The following NLGN1 variants were observed in gnomAD, a reference collection of about 807,000 sequenced individuals.
NLGN1 encodes neuroligin-1.
In NLGN1, 12 loss-of-function variants were observed where a neutral mutation model predicts 65.5. The observed-to-expected ratio is 0.18, with a 90% confidence interval of 0.12 to 0.30. NLGN1 has a LOEUF of 0.30. Ranked by LOEUF, NLGN1 falls within the 10% of genes least tolerant of loss-of-function variation. The pLI, the probability that NLGN1 is intolerant of heterozygous loss-of-function variation, is 1.00. For missense variants in NLGN1, 750 were observed against 1,007.1 expected (o/e 0.74, Z 3.46); for synonymous variants, 350 against 359.5 (o/e 0.97, Z 0.30).
At chr3:174,044,149 C>A (rs1276032366) in intron 4 of NLGN1, among the ~76,000 whole-genome samples, 2 of 152,180 alleles carry the variant, frequency 1.3e-5, no homozygotes, top group African/African-American at 4.8e-5. Context: ...AGACTACACA[C>A]ACCTGGGGAG....
At chr3:173,424,834 G>A (rs2099514) in intron 1 of NLGN1, among the ~76,000 whole-genome samples, 24,414 of 152,088 alleles carry the variant, frequency 0.16, 2,203 homozygotes, top group Middle Eastern at 0.29. Context: ...CCTACAAACG[G>A]TTCCAACCTC....
rs1262822351 is a variant in NLGN1, at chr3:173,539,557, TA to T, written c.-320-64720del. Among the ~76,000 whole-genome samples the T allele has an allele frequency of 2.8e-5, 4 of 143,386 alleles. No homozygotes were observed. In the East Asian group the frequency reaches 7.9e-4, roughly 28 times the overall value. The allele number at this position is 143,386 out of a possible 152,430, so 94.1% of individuals were successfully genotyped here. Reference sequence around the variant, plus strand: ...CATATGTATATATAAAATATATACATAATATATATAACATATATGTTATGTT... The same window carrying T: ...CATATGTATATATAAAATATATACATATATATATAACATATATGTTATGTT... On this transcript the variant is annotated intron_variant, in intron 2 of 6. Transcript: ENST00000457714.
chr3:173,881,205 T>A (rs961620085), intron 4 of NLGN1, among the ~76,000 whole-genome samples: 18 of 150,300 alleles, frequency 1.2e-4, no homozygotes, highest in Non-Finnish European at 2.2e-4. Flanking sequence ...TTCAGGCGAT[T>A]CTCCTGCCTC....
chr3:173,421,208 T>G (rs1714976338), intron 1 of NLGN1, among the ~76,000 whole-genome samples: 1 of 152,108 alleles, frequency 6.6e-6, no homozygotes, highest in South Asian at 2.1e-4. Flanking sequence ...CTTTTTATTT[T>G]GAAATAATCT....
chr3:173,913,440 A>C (rs1348624405), intron 4 of NLGN1, among the ~76,000 whole-genome samples: 1 of 152,182 alleles, frequency 6.6e-6, no homozygotes, highest in African/African-American at 2.4e-5. Context: ...CTAAGAGCCA[A>C]AGGATTTTCT....
chr3:173,860,935 G>C (rs957115837), intron 4 of NLGN1, among the ~76,000 whole-genome samples: 4 of 152,134 alleles, frequency 2.6e-5, no homozygotes, highest in African/African-American at 9.7e-5. Flanking sequence ...AGATGTATGA[G>C]ACCATCAAGG....
chr3:174,151,566 G>C (rs6809934), intron 4 of NLGN1, among the ~76,000 whole-genome samples: 55,309 of 151,816 alleles, frequency 0.36, 11,833 homozygotes, highest in African/African-American at 0.59. Context: ...AAAAACGTAT[G>C]ACAGACAGAT....
chr3:173,960,526 G>A (rs1169127856), intron 4 of NLGN1, among the ~76,000 whole-genome samples: 2 of 151,742 alleles, frequency 1.3e-5, no homozygotes, highest in Non-Finnish European at 2.9e-5. Context: ...TAAATTATTG[G>A]ATTCAGAATA....
intron 4 of NLGN1, among the ~76,000 whole-genome samples, chr3:174,203,751 AT>A (rs1332203953): frequency 6.6e-6 from 1 of 152,100 alleles, no homozygotes; most frequent in African/African-American, 2.4e-5. Flanking sequence ...ATAGATACAT[AT>A]TTTTCATAAG....
At chr3:173,855,963 T>C (rs1179154508) in intron 4 of NLGN1, among the ~76,000 whole-genome samples, 1 of 152,142 alleles carries the variant, frequency 6.6e-6, no homozygotes, top group East Asian at 1.9e-4. Context: ...GATGAAAGAA[T>C]GGTATGTTTA....
In NLGN1 at chr3:174,133,866, T is replaced by C. The variant is rs539191168; in HGVS notation, c.647-141449T>C. On this transcript the variant is annotated intron_variant, in intron 4 of 6. Coordinates refer to ENST00000457714, the Ensembl canonical transcript of NLGN1. The stretch of plus-strand genomic sequence containing the variant: ...ATACAAAACAAGATGTGCTTTTTCT[T>C]TATCTCTCCCCCACCACACCCCACA... Among the ~76,000 whole-genome samples the C allele has an allele frequency of 8.7e-5, 12 of 138,234 alleles. No individual in the cohort carries two copies. In the South Asian group the frequency reaches 2.8e-3, roughly 32 times the overall value. The allele number at this position is 138,234 out of a possible 152,430, so 90.7% of individuals were successfully genotyped here.
At chr3:174,188,245 T>G (rs1196164210) in intron 4 of NLGN1, among the ~76,000 whole-genome samples, 1 of 152,028 alleles carries the variant, frequency 6.6e-6, no homozygotes, top group Non-Finnish European at 1.5e-5. Context: ...TCCTGGCTTT[T>G]GGTTTTTGTA....
chr3:173,669,838 T>TG (rs1424192775), intron 3 of NLGN1, among the ~76,000 whole-genome samples: 1 of 152,304 alleles, frequency 6.6e-6, no homozygotes, highest in East Asian at 1.9e-4. Context: ...ATTCAAATAC[T>TG]GGGCAAATGT....
At chr3:173,906,894 A>G (rs1012382520) in intron 4 of NLGN1, among the ~76,000 whole-genome samples, 15 of 151,682 alleles carry the variant, frequency 9.9e-5, no homozygotes, top group Non-Finnish European at 1.8e-4. Context: ...AAAAAAAAAA[A>G]AAAGAAAGGG....
At chr3:173,856,117 G>A (rs9883325) in intron 4 of NLGN1, among the ~76,000 whole-genome samples, 122,673 of 152,028 alleles carry the variant, frequency 0.81, 50,014 homozygotes, top group Non-Finnish European at 0.87. Flanking sequence ...ATTCCTTTTG[G>A]GGTACTTCGT....
intron 4 of NLGN1, among the ~76,000 whole-genome samples, chr3:173,970,440 G>A (rs921549333): frequency 2.6e-5 from 4 of 152,060 alleles, no homozygotes; most frequent in Admixed American, 1.3e-4. Flanking sequence ...TCCAAATGCC[G>A]GAAGTTCAGT....
chr3:173,539,741 T>TGTACATATGCACATATCTACATATAG (rs1189543885), intron 2 of NLGN1, among the ~76,000 whole-genome samples: 1 of 129,980 alleles, frequency 7.7e-6, no homozygotes, highest in East Asian at 2.2e-4. Context: ...TATACATATA[T>TGTACATATGCACATATCTACATATAG]GTACATATAT....
chr3:174,235,818 G>A (rs997491955), intron 4 of NLGN1, among the ~76,000 whole-genome samples: 4 of 152,098 alleles, frequency 2.6e-5, no homozygotes, highest in Non-Finnish European at 5.9e-5. Flanking sequence ...CAAATTCCCA[G>A]TAAGTTTGAG....
chr3:174,274,199 A>G (rs896439448), intron 4 of NLGN1, among the ~76,000 whole-genome samples: 3 of 151,860 alleles, frequency 2.0e-5, no homozygotes, highest in African/African-American at 7.2e-5. Flanking sequence ...AAAATAGTCC[A>G]TAAGATGGAG....
Sources: allele counts gnomAD v4.1 joint callset (sites outside exome capture counted in the v4.1 genomes callset), GRCh38; gene constraint gnomAD v4.1.1; transcripts MANE v1.5; gene names NCBI Gene and HGNC (gene_info 2026-07-23, HGNC 2026-07-21).